LARP4B: variants seen among roughly 807,000 people sequenced by gnomAD.
The protein encoded by LARP4B is la-related protein 4B.
A neutral mutation model predicts 89.8 loss-of-function variants in LARP4B; 12 were observed. The ratio of observed to expected loss-of-function variants is 0.13; its 90% CI spans 0.09 to 0.22. The LOEUF (loss-of-function observed/expected upper bound fraction) is 0.22. Among genes scored for constraint, LARP4B ranks in the 10% least tolerant of loss-of-function variants. The probability of loss-of-function intolerance (pLI) is 1.00; values close to 1 mark genes in which losing one functional copy is unlikely to be tolerated. For synonymous variants in LARP4B, 367 were observed against 363.3 expected, an observed-to-expected ratio of 1.01 and a Z score of -0.12; for missense variants, 757 against 947.7, an observed-to-expected ratio of 0.80 and a Z score of 2.64.
At chr10:927,404 C>T (rs1440800044) in intron 1 of LARP4B, among the ~76,000 whole-genome samples, 1 of 152,184 alleles carries the variant, frequency 6.6e-6, no homozygotes, top group Non-Finnish European at 1.5e-5. Flanking sequence ...GGGGAAAAAA[C>T]TTTCAAGTTG....
intron 3 of LARP4B, among the ~76,000 whole-genome samples, chr10:880,140 T>G (rs912283926): frequency 1.3e-5 from 2 of 152,180 alleles, no homozygotes; most frequent in Admixed American, 1.3e-4. Context: ...CCTGCAAGAT[T>G]AACATACCAA....
At chr10:829,072 A>C (rs1832763753) in intron 11 of LARP4B, among the ~76,000 whole-genome samples, 1 of 152,192 alleles carries the variant, frequency 6.6e-6, no homozygotes, top group Admixed American at 6.5e-5. Context: ...TCCTCAGTTA[A>C]TCCCCCTTGC....
chr10:870,394 C>T (rs1835141353), intron 3 of LARP4B, among the ~76,000 whole-genome samples: 2 of 152,314 alleles, frequency 1.3e-5, no homozygotes, highest in South Asian at 2.1e-4. Context: ...TTGGTACAAT[C>T]GTGTCTTTGC....
At chr10:845,162 C>A in intron 5 of LARP4B, 107 bp from the exon 6 acceptor site, 2 of 713,386 alleles carry the variant, frequency 2.8e-6, no homozygotes, top group Non-Finnish European at 4.6e-6. Flanking sequence ...GACACAACTA[C>A]GTAAGTGTAT....
intron 1 of LARP4B, among the ~76,000 whole-genome samples, chr10:899,393 ATTACTCCCTGTTCTAT>A (rs1272887634): frequency 6.6e-6 from 1 of 152,148 alleles, no homozygotes; most frequent in Non-Finnish European, 1.5e-5. Context: ...CTCACAACAG[ATTACTCCCTGTTCTAT>A]TTGCCATGTT....
Position 870,259 on chromosome 10 carries a change from C to T in LARP4B, c.142-5989G>A, listed in dbSNP as rs373877785. 1.2e-4 allele frequency among the ~76,000 whole-genome samples: 18 copies of T among 152,256 alleles called. No individual in the cohort carries two copies. In the East Asian group the frequency reaches 1.4e-3, roughly 11 times the overall value. On this transcript the variant is annotated intron_variant, in intron 3 of 17. Transcript: ENST00000316157. ...ATGCTGGGTTTCCTAACCCTCCCAT[C>T]GGGTAATAGGAAAATTCACTCAAAA...
chr10:885,859 T>TC (rs764404706), intron 1 of LARP4B, 99 bp from the exon 2 acceptor site: 1 of 574,864 alleles, frequency 1.7e-6, no homozygotes, highest in Non-Finnish European at 3.0e-6. Flanking sequence ...CACACGTTTA[T>TC]CCCTCTGAAT....
At chr10:843,211 T>C (rs977105207) in intron 6 of LARP4B, 143 bp from the exon 7 acceptor site, 6 of 761,108 alleles carry the variant, frequency 7.9e-6, no homozygotes, top group Non-Finnish European at 1.2e-5. Flanking sequence ...ATCTGTTATT[T>C]GCTGTCTCTC....
At chr10:978,139 C>T in the LARP4B span, among the ~76,000 whole-genome samples, 1 of 152,154 alleles carries the variant, frequency 6.6e-6, no homozygotes, top group East Asian at 1.9e-4. Flanking sequence ...CCAGGTTTGA[C>T]CATTTAGTCT....
the LARP4B span, among the ~76,000 whole-genome samples, chr10:955,926 G>A: frequency 1.3e-5 from 2 of 152,138 alleles, no homozygotes; most frequent in Non-Finnish European, 2.9e-5. The surrounding 1 kb of genome is among the most constrained non-coding windows in gnomAD (Gnocchi z 5.2). Flanking sequence ...TCTCACGCCC[G>A]CCTGAGGCCA....
chr10:920,582 T>G (rs111256604), intron 1 of LARP4B, among the ~76,000 whole-genome samples: 1 of 152,060 alleles, frequency 6.6e-6, no homozygotes, highest in Non-Finnish European at 1.5e-5. Context: ...CAGACCAGCC[T>G]GGCCAATATG....
At chr10:976,246 C>T in the LARP4B span, among the ~76,000 whole-genome samples, 1 of 143,206 alleles carries the variant, frequency 7.0e-6, no homozygotes, top group Admixed American at 7.0e-5. Flanking sequence ...ACGTGTGGAC[C>T]CGGCCTAGTA....
chr10:926,567 G>A (rs1837139649), intron 1 of LARP4B, among the ~76,000 whole-genome samples: 1 of 152,196 alleles, frequency 6.6e-6, no homozygotes. Flanking sequence ...CAGCCATCAG[G>A]CTATGCCACA....
intron 1 of LARP4B, among the ~76,000 whole-genome samples, chr10:887,926 G>A (rs1835909511): frequency 1.3e-5 from 2 of 152,136 alleles, no homozygotes; most frequent in African/African-American, 4.8e-5. Flanking sequence ...TCAGGAGGCT[G>A]AGACACTAGA....
chr10:985,252 GA>G, the LARP4B span: 1 of 152,144 alleles, frequency 6.6e-6, no homozygotes, highest in African/African-American at 2.4e-5. Context: ...TTAATGAATA[GA>G]ACAAAAGTTT....
chr10:835,350 C>T (rs898546645), intron 8 of LARP4B, among the ~76,000 whole-genome samples: 5 of 152,174 alleles, frequency 3.3e-5, no homozygotes, highest in African/African-American at 7.2e-5. Flanking sequence ...AAGCCTGAAC[C>T]GCAACGTCCA....
At chr10:975,299 G>A in the LARP4B span, among the ~76,000 whole-genome samples, 1 of 152,194 alleles carries the variant, frequency 6.6e-6, no homozygotes, top group Non-Finnish European at 1.5e-5. Flanking sequence ...CCGAGCACAC[G>A]TCCTGATGCA....
chr10:968,368 T>C, the LARP4B span, among the ~76,000 whole-genome samples: 2 of 152,192 alleles, frequency 1.3e-5, no homozygotes, highest in African/African-American at 2.4e-5. Context: ...TTAGAGATAG[T>C]TTCCAAAGAA....
the LARP4B span, among the ~76,000 whole-genome samples, chr10:976,926 T>G: frequency 6.7e-6 from 1 of 150,082 alleles, no homozygotes; most frequent in Non-Finnish European, 1.5e-5. Flanking sequence ...TCACGTAATG[T>G]GCAGCCCGGC....
Sources: allele counts gnomAD v4.1 joint callset (sites outside exome capture counted in the v4.1 genomes callset), GRCh38; gene constraint gnomAD v4.1.1; non-coding constraint Gnocchi (gnomAD v3.1); transcripts MANE v1.5; gene names NCBI Gene and HGNC (gene_info 2026-07-23, HGNC 2026-07-21).